FAF1: variants seen among roughly 807,000 people sequenced by gnomAD.
FAF1 encodes FAS-associated factor 1.
Under a neutral mutation model 92.5 loss-of-function variants are expected in FAF1, and 25 were observed. That is an observed-to-expected ratio of 0.27 (90% CI 0.20 to 0.38). FAF1 has a LOEUF of 0.38. FAF1 is among the 10% of genes least tolerant of loss of function. FAF1 has a pLI of 1.00. For missense variants in FAF1, 636 were observed against 793.3 expected (o/e 0.80, Z 2.38); for synonymous variants, 234 against 273.2 (o/e 0.86, Z 1.42).
intron 8 of FAF1, among the ~76,000 whole-genome samples, chr1:50,597,142 C>A (rs1471727692): frequency 8.5e-6 from 1 of 117,824 alleles, no homozygotes; most frequent in Non-Finnish European, 1.8e-5. Context: ...GCCTAGCACA[C>A]AGTTGGTGGC....
At chr1:50,538,730 C>G (rs912090273) in intron 14 of FAF1, among the ~76,000 whole-genome samples, 5 of 152,110 alleles carry the variant, frequency 3.3e-5, no homozygotes, top group Admixed American at 3.3e-4. Flanking sequence ...TCCATTTACC[C>G]TATGCAAATC....
intron 6 of FAF1, among the ~76,000 whole-genome samples, chr1:50,731,347 C>A (rs986276799): frequency 1.3e-5 from 2 of 151,528 alleles, no homozygotes; most frequent in Non-Finnish European, 2.9e-5. Context: ...TCTCAAAACA[C>A]TTGTCTTTCT....
intron 5 of FAF1, among the ~76,000 whole-genome samples, chr1:50,739,277 T>C (rs1418752639): frequency 1.3e-5 from 2 of 152,150 alleles, no homozygotes; most frequent in Admixed American, 6.5e-5. Flanking sequence ...TACATGTGCA[T>C]ACATATACAT....
At chr1:50,691,148 A>G (rs1324100597) in intron 7 of FAF1, among the ~76,000 whole-genome samples, 2 of 148,102 alleles carry the variant, frequency 1.4e-5, no homozygotes, top group Non-Finnish European at 2.9e-5. Context: ...GGAACTATCA[A>G]ACTTTTTCCA....
chr1:50,912,178 G>A (rs1342316334), intron 1 of FAF1, among the ~76,000 whole-genome samples: 1 of 152,192 alleles, frequency 6.6e-6, no homozygotes, highest in Non-Finnish European at 1.5e-5. Context: ...GGCTTGAGCT[G>A]CCGCTAGACA....
At chr1:50,572,099 C>A (rs568070346) in intron 12 of FAF1, among the ~76,000 whole-genome samples, 7 of 152,238 alleles carry the variant, frequency 4.6e-5, no homozygotes, top group African/African-American at 1.7e-4. Flanking sequence ...TCATTATCAT[C>A]AGTAATCAGA....
At chr1:50,947,622 C>A (rs1645181027) in intron 1 of FAF1, among the ~76,000 whole-genome samples, 1 of 152,182 alleles carries the variant, frequency 6.6e-6, no homozygotes, top group African/African-American at 2.4e-5. Context: ...GTGAATAAAA[C>A]AGCAAATTCA....
intron 9 of FAF1, 100 bp downstream of exon 9, chr1:50,596,015 ATTAACT>A: frequency 2.7e-6 from 2 of 728,070 alleles, no homozygotes; most frequent in Non-Finnish European, 4.7e-6. Flanking sequence ...TTAATGCTAC[ATTAACT>A]TTATCTGTTC....
In FAF1 at chr1:50,857,930, A is replaced by G; in HGVS notation, c.113T>C (p.Val38Ala). The change falls in exon 2 of 19, where the codon GTG (valine) becomes GCG (alanine). Residue 38 changes from valine to alanine, a missense_variant and splice_region_variant. This residue lies in a region of FAF1 where 317 missense variants were observed against 342.4 expected (regional missense o/e 0.93). Transcript: ENST00000396153. The stretch of plus-strand genomic sequence containing the variant: ...TCAGAGAAAGAAAAAAGTACTTACC[A>G]CTAAGTCCCAATTATTTTGTTCAAG... ...TLLEQNNWDL[V>A]AAINGVIPQE... 6.3e-7 allele frequency: 1 copy of G among 1,587,194 alleles called. No homozygotes were observed. Among genetic ancestry groups the G allele is most frequent in the Non-Finnish European group, 8.6e-7 (1 of 1,164,304 alleles).
chr1:50,862,398 A>T (rs1034182388), intron 1 of FAF1, among the ~76,000 whole-genome samples: 16 of 151,984 alleles, frequency 1.1e-4, no homozygotes, highest in Non-Finnish European at 4.4e-5. Context: ...CTGGATAGAG[A>T]GCAAAATGAT....
chr1:50,880,980 G>T (rs1277315196), intron 1 of FAF1, among the ~76,000 whole-genome samples: 1 of 151,838 alleles, frequency 6.6e-6, no homozygotes, highest in African/African-American at 2.4e-5. Context: ...GAATTACCTG[G>T]ATATATATAT....
At chr1:50,857,337 T>C (rs546278553) in intron 2 of FAF1, among the ~76,000 whole-genome samples, 6 of 151,834 alleles carry the variant, frequency 4.0e-5, no homozygotes, top group African/African-American at 1.4e-4. Flanking sequence ...TTCTAAGGCA[T>C]TAAGAGACAT....
In FAF1 at chr1:50,619,897, G is replaced by GTC. The variant is rs765226812; in HGVS notation, c.745-23683_745-23682dup. ...AAAATGCCAATGAATAGTAGATTTGGTCTCTCTCTCTCTTTTTTTTTTTTT... is the reference window on the plus strand; with the variant it reads ...AAAATGCCAATGAATAGTAGATTTGGTCTCTCTCTCTCTCTTTTTTTTTTTTT... On this transcript the variant is annotated intron_variant, in intron 8 of 18. Transcript: ENST00000396153. 5.2e-3 allele frequency among the ~76,000 whole-genome samples: 788 copies of GTC among 150,260 alleles called. 5 individuals carry two copies. The highest frequency in any genetic ancestry group is 0.017 in the African/African-American group (708 of 40,740).
At chr1:50,770,389 A>G (rs1202149268) in intron 4 of FAF1, among the ~76,000 whole-genome samples, 2 of 152,216 alleles carry the variant, frequency 1.3e-5, no homozygotes, top group African/African-American at 4.8e-5. Flanking sequence ...ACTAGCTCTG[A>G]TAAACAACTC....
chr1:50,563,000 C>T (rs560832844), intron 13 of FAF1, among the ~76,000 whole-genome samples: 1 of 152,274 alleles, frequency 6.6e-6, no homozygotes, highest in Admixed American at 6.5e-5. Context: ...TTACATAGCA[C>T]TTACATTGTA....
chr1:50,649,785 C>CAAAAA (rs535636319), intron 8 of FAF1, among the ~76,000 whole-genome samples: 1 of 72,952 alleles, frequency 1.4e-5, no homozygotes, highest in Admixed American at 1.6e-4. Context: ...ACTAAAACTA[C>CAAAAA]AAAAAAAAAA....
chr1:50,798,111 C>T (rs1661832195), intron 3 of FAF1, among the ~76,000 whole-genome samples: 1 of 150,024 alleles, frequency 6.7e-6, no homozygotes, highest in Non-Finnish European at 1.5e-5. Context: ...TAGAGATAAA[C>T]TTGTGAATCA....
intron 1 of FAF1, among the ~76,000 whole-genome samples, chr1:50,882,641 TAAATA>T (rs1301618203): frequency 2.7e-5 from 4 of 150,666 alleles, no homozygotes; most frequent in African/African-American, 7.3e-5. Context: ...AATAAATAAA[TAAATA>T]AATGTGTATG....
At chr1:50,441,588 C>T (rs997547257) in intron 18 of FAF1, 65 bp from the exon 19 acceptor site, 23 of 863,888 alleles carry the variant, frequency 2.7e-5, no homozygotes, top group Non-Finnish European at 3.2e-5. Flanking sequence ...ACATGGCCTT[C>T]ATTTTATCTA....
Sources: gnomAD v4.1 joint callset for allele counts (sites outside exome capture counted in the v4.1 genomes callset) on GRCh38, gnomAD v4.1.1 for gene constraint, gnomAD v4.1.1 regional missense constraint, MANE v1.5 for transcripts, NCBI Gene and HGNC (gene_info 2026-07-23, HGNC 2026-07-21) for gene names.